The following NPIPB8 variants were observed in gnomAD, a reference collection of about 807,000 sequenced individuals.
NPIPB8 encodes nuclear pore complex interacting protein family member B8.
In NPIPB8, 3 loss-of-function variants were observed where a neutral mutation model predicts 5.3. That is an observed-to-expected ratio of 0.57 (90% CI 0.26 to 1.47). The LOEUF is 1.47. Ranked by LOEUF, NPIPB8 falls within the 40% of genes most tolerant of loss-of-function variation. NPIPB8 has a pLI of 0.13. For missense variants in NPIPB8, 50 were observed against 50.2 expected, an observed-to-expected ratio of 1.00 and a Z score of 0.01; for synonymous variants, 18 against 23.0, an observed-to-expected ratio of 0.78 and a Z score of 0.62.
chr16:28,638,430 C>T lies in NPIPB8; in HGVS notation c.70C>T (p.Leu24=). Residue 24 remains leucine, a synonymous_variant, in exon 2 of 8, where the codon CTG becomes TTG. Transcript: ENST00000683297. ...SHDQGQLTKE[L]QQHVKSVTCP... is the part of the protein sequence containing the mutation. ...TGACCAGGGCCAGCTCACCAAGGAG[C>T]TGCAGCAGCATGTAAAGTCAGTGAC... is the stretch of plus-strand genomic sequence containing the variant. 1 of 1,572,398 alleles carries T rather than the reference C, an allele frequency of 6.4e-7. No homozygotes were observed. The highest frequency in any genetic ancestry group is 1.1e-5 in the South Asian group (1 of 88,218).
At chr16:28,640,622 G>A (rs2047879426) in intron 2 of NPIPB8, among the ~76,000 whole-genome samples, 1 of 152,082 alleles carries the variant, frequency 6.6e-6, no homozygotes, top group African/African-American at 2.4e-5. Context: ...GACTGTGGAG[G>A]GGCAGAGGAA....
chr16:28,650,874 CCTTTT>C (rs1191604974), intron 3 of NPIPB8, among the ~76,000 whole-genome samples: 13 of 28,242 alleles, frequency 4.6e-4, no homozygotes, highest in African/African-American at 6.6e-4. Context: ...GTAATTACTT[CCTTTT>C]CAAGTTGTGA....
chr16:28,638,255 C>T, intron 1 of NPIPB8, 68 bp from the exon 2 acceptor site: 4 of 1,532,130 alleles, frequency 2.6e-6, no homozygotes, highest in Non-Finnish European at 3.5e-6. Flanking sequence ...CTCTTGACCA[C>T]TATAGACTCA....
chr16:28,637,934 T>C (rs1484575387), upstream of NPIPB8: 4 of 580,042 alleles, frequency 6.9e-6, no homozygotes, highest in South Asian at 3.3e-5. Context: ...AAATGAGAAA[T>C]CACTAATGCT....
At chr16:28,638,902 C>G (rs1019012423) in intron 2 of NPIPB8, among the ~76,000 whole-genome samples, 3 of 148,890 alleles carry the variant, frequency 2.0e-5, no homozygotes, top group African/African-American at 7.6e-5. Context: ...AACCTCGTCC[C>G]TACTAAAAAT....
chr16:28,652,015 T>G lies in NPIPB8; in HGVS notation c.362T>G (p.Val121Gly). 1 of 182,826 alleles carries G rather than the reference T, an allele frequency of 5.5e-6. No individual in the cohort carries two copies. The highest frequency in any genetic ancestry group is 9.9e-6 in the Non-Finnish European group (1 of 101,194). 11.3% of individuals were successfully genotyped at this position (182,826 alleles called of 1,614,324 possible). A position where few individuals can be genotyped will look rare whatever the true frequency, so the allele number is the denominator to read the frequency against. ...SRNGHDGSMD[V>G]QQRAWRSNRS... ...AATGGACATGATGGATCCATGGATG[T>G]ACAGCAGAGAGCCTGGAGGTCCAAC... is the stretch of plus-strand genomic sequence containing the variant. Residue 121 changes from valine (V) to glycine (G), a missense_variant, in exon 4 of 8, where the codon GTA (valine) becomes GGA (glycine). Val to Gly is a moderately radical substitution (Grantham distance 109). Transcript: ENST00000683297.
Position 28,652,229 on chromosome 16 carries a change from T to C in NPIPB8, c.464T>C (p.Ile155Thr). 1 of 276,418 alleles carries C rather than the reference T, an allele frequency of 3.6e-6. No homozygotes were observed. Among genetic ancestry groups the C allele is most frequent in the Non-Finnish European group, 6.1e-6 (1 of 164,596 alleles). The allele number at this position is 276,418 out of a possible 1,614,324, so 17.1% of individuals were successfully genotyped here. ...GTTTCTTCCTTTCGAGGAAATAAAA[T>C]TGGCCTGAAAGACGTCATTACTCTA... is the stretch of plus-strand genomic sequence containing the variant. ...KRVSSFRGNK[I>T]GLKDVITLRR... is the part of the protein sequence containing the mutation. Residue 155 changes from isoleucine to threonine, a missense_variant, in exon 5 of 8, where the codon ATT (isoleucine) becomes ACT (threonine). Physicochemically the swap from Ile to Thr is moderately conservative, Grantham distance 89 (BLOSUM62 -1). Coordinates refer to ENST00000683297, the MANE Select transcript of NPIPB8 (RefSeq NM_001310136.2).
intron 2 of NPIPB8, among the ~76,000 whole-genome samples, chr16:28,644,831 CA>C (rs1252113146): frequency 1.1e-5 from 1 of 89,812 alleles, no homozygotes; most frequent in Non-Finnish European, 2.3e-5. Context: ...CCCATCTCTA[CA>C]AAAAATTCCA....
intron 2 of NPIPB8, among the ~76,000 whole-genome samples, chr16:28,641,004 G>T (rs1455867885): frequency 6.6e-6 from 1 of 152,036 alleles, no homozygotes; most frequent in Non-Finnish European, 1.5e-5. Flanking sequence ...GCACAGGTGA[G>T]AGTGCTCAGA....
intron 5 of NPIPB8, among the ~76,000 whole-genome samples, chr16:28,653,234 G>A (rs1438071559): frequency 2.2e-5 from 2 of 92,244 alleles, no homozygotes; most frequent in African/African-American, 5.5e-5. Context: ...CACCATGCCC[G>A]GATAATTTTT....
chr16:28,645,337 A>C (rs1313849079), intron 2 of NPIPB8, among the ~76,000 whole-genome samples: 23 of 78,446 alleles, frequency 2.9e-4, no homozygotes, highest in South Asian at 8.0e-4. Context: ...AAAATATATA[A>C]CCTTAAGTGT....
intron 2 of NPIPB8, chr16:28,644,551 T>C (rs1420457875): frequency 8.5e-7 from 1 of 1,178,952 alleles, no homozygotes; most frequent in South Asian, 1.3e-5. Flanking sequence ...CCTCCACCTC[T>C]GTCCTGGACA....
chr16:28,651,257 A>C (rs1481971368), intron 3 of NPIPB8, among the ~76,000 whole-genome samples: 1 of 28,222 alleles, frequency 3.5e-5, no homozygotes, highest in Non-Finnish European at 5.8e-5. Context: ...TGCTGGGATT[A>C]TAGGCGTGAG....
At chr16:28,639,398 T>C (rs1157006917) in intron 2 of NPIPB8, among the ~76,000 whole-genome samples, 8 of 141,074 alleles carry the variant, frequency 5.7e-5, no homozygotes, top group African/African-American at 2.1e-4. Context: ...TTTATATAGA[T>C]ACACACACAC....
chr16:28,644,358 T>A (rs1298036461), intron 2 of NPIPB8, among the ~76,000 whole-genome samples: 2 of 113,800 alleles, frequency 1.8e-5, no homozygotes, highest in Non-Finnish European at 3.6e-5. Flanking sequence ...CTTCTCCTCC[T>A]CCTCCTCCAC....
intron 2 of NPIPB8, among the ~76,000 whole-genome samples, chr16:28,643,074 G>T (rs1022707951): frequency 6.6e-6 from 1 of 151,686 alleles, no homozygotes; most frequent in African/African-American, 2.4e-5. Flanking sequence ...CCTGGGTCCT[G>T]CCCACCTGCT....
At position 28,638,327 on chromosome 16, in the gene NPIPB8, G is replaced by T. The variant is rs754814025; in HGVS notation, c.-34G>T. On this transcript the variant is annotated 5_prime_UTR_variant, in exon 2 of 8. Coordinates refer to ENST00000683297, the MANE Select transcript of NPIPB8 (RefSeq NM_001310136.2). ...TTTTTCTTAATTGTCTAATAGGTTG[G>T]CACTCATCATGAGCCCCTGTTCTCA... The T allele has an allele frequency of 6.4e-7, 1 of 1,560,756 alleles. No homozygotes were observed. The highest frequency in any genetic ancestry group is 1.2e-5 in the South Asian group (1 of 86,754).
At chr16:28,638,180 C>T (rs1180703053) in intron 1 of NPIPB8, 30 bp downstream of exon 1, 2 of 822,126 alleles carry the variant, frequency 2.4e-6, no homozygotes, top group Non-Finnish European at 3.7e-6. Flanking sequence ...TTTTGCATGG[C>T]ATGAAGTAGA....
chr16:28,644,595 G>C (rs1376793013), intron 2 of NPIPB8: 2 of 1,534,006 alleles, frequency 1.3e-6, no homozygotes, highest in East Asian at 4.9e-5. Flanking sequence ...AGGACATGCG[G>C]CTGCGCTTTT....
Sources: allele counts gnomAD v4.1 joint callset (sites outside exome capture counted in the v4.1 genomes callset), GRCh38; gene constraint gnomAD v4.1.1; transcripts MANE v1.5; gene names NCBI Gene and HGNC (gene_info 2026-07-23, HGNC 2026-07-21).